The following KLHL1 variants were observed in gnomAD, a reference collection of about 807,000 sequenced individuals.
The protein encoded by KLHL1 is kelch like family member 1.
In KLHL1, 47 loss-of-function variants were observed where a neutral mutation model predicts 77.7. The observed-to-expected ratio is 0.60, with a 90% CI of 0.48 to 0.77. The LOEUF is 0.77. Ranked by LOEUF, KLHL1 falls within the 30% of genes least tolerant of loss-of-function variation. The pLI is 0.00. For synonymous variants in KLHL1, 360 were observed against 325.2 expected (o/e 1.11, Z -1.15); for missense variants, 925 against 910.8 (o/e 1.02, Z -0.20).
At chr13:70,070,253 G>T (rs988688263) in intron 1 of KLHL1, among the ~76,000 whole-genome samples, 3 of 151,676 alleles carry the variant, frequency 2.0e-5, no homozygotes, top group African/African-American at 7.3e-5. Context: ...GCATATAAGA[G>T]AAAAGCAAAT....
chr13:69,880,813 T>C (rs1346796918), intron 5 of KLHL1, among the ~76,000 whole-genome samples: 1 of 152,144 alleles, frequency 6.6e-6, no homozygotes, highest in Non-Finnish European at 1.5e-5. Flanking sequence ...GTGCACAACA[T>C]AATTCCAAAC....
intron 1 of KLHL1, among the ~76,000 whole-genome samples, chr13:70,036,744 A>G (rs1485176897): frequency 6.6e-6 from 1 of 150,544 alleles, no homozygotes; most frequent in African/African-American, 2.4e-5. Context: ...TTCTCTCATT[A>G]GACTTTGAAA....
intron 1 of KLHL1, among the ~76,000 whole-genome samples, chr13:70,082,195 T>C (rs1291818762): frequency 6.6e-6 from 1 of 152,018 alleles, no homozygotes; most frequent in Non-Finnish European, 1.5e-5. Context: ...TGTGAGCCAA[T>C]TGAACATCTT....
chr13:69,821,091 TA>T (rs201297570), intron 6 of KLHL1, among the ~76,000 whole-genome samples: 1,684 of 152,220 alleles, frequency 0.011, 28 homozygotes, highest in African/African-American at 0.038. Context: ...ATTTGAATTT[TA>T]AAAAAATAAA....
intron 2 of KLHL1, among the ~76,000 whole-genome samples, chr13:69,968,681 C>T (rs1461348833): frequency 6.6e-6 from 1 of 151,932 alleles, no homozygotes; most frequent in South Asian, 2.1e-4. Context: ...GGACAGACTG[C>T]AGAATGGAGC....
intron 6 of KLHL1, among the ~76,000 whole-genome samples, chr13:69,833,766 TACATACATACATAC>T (rs1878864235): frequency 2.3e-5 from 3 of 129,454 alleles, no homozygotes; most frequent in African/African-American, 8.2e-5. Flanking sequence ...TATATATATA[TACATACATACATAC>T]ATATATACTT....
At chr13:69,732,077 T>G (rs9542064) in intron 8 of KLHL1, among the ~76,000 whole-genome samples, 8,005 of 152,028 alleles carry the variant, frequency 0.053, 367 homozygotes, top group African/African-American at 0.12. Flanking sequence ...GGGAGTCAAA[T>G]AAAGATATCG....
chr13:69,787,822 C>T (rs1440221810), intron 7 of KLHL1, among the ~76,000 whole-genome samples: 8 of 152,214 alleles, frequency 5.3e-5, no homozygotes, highest in African/African-American at 1.9e-4. Flanking sequence ...AAAAAACAAA[C>T]AACCCCATCA....
In KLHL1 at chr13:69,975,627, C is replaced by CAG; in HGVS notation, c.671_672dup (p.Ala225LeufsTer7). 6.2e-7 allele frequency: 1 copy of CAG among 1,612,896 alleles called. No individual in the cohort carries two copies. The highest frequency in any genetic ancestry group is 8.5e-7 in the Non-Finnish European group (1 of 1,179,398). The stretch of plus-strand genomic sequence containing the variant: ...AGAGGCAGACTACTGTACCTATGTG[C>CAG]AGGTATCTTTCGGTTCCCAACAATC... On this transcript the variant is annotated frameshift_variant, in exon 2 of 11. Coordinates refer to ENST00000377844, the MANE Select transcript of KLHL1 (RefSeq NM_020866.3). LOFTEE classifies it high-confidence loss of function.
intron 7 of KLHL1, among the ~76,000 whole-genome samples, chr13:69,792,190 T>C (rs1876902998): frequency 6.6e-6 from 1 of 151,784 alleles, no homozygotes; most frequent in Non-Finnish European, 1.5e-5. Context: ...CTAACCAGAG[T>C]ATCAAAACGT....
At chr13:70,099,722 C>T (rs1448130962) in intron 1 of KLHL1, among the ~76,000 whole-genome samples, 2 of 151,802 alleles carry the variant, frequency 1.3e-5, no homozygotes, top group Admixed American at 1.3e-4. Context: ...TTCATTTAAT[C>T]GTAGTTTAAT....
At chr13:69,789,877 T>TTAAG (rs367761053) in intron 7 of KLHL1, among the ~76,000 whole-genome samples, 101 of 152,248 alleles carry the variant, frequency 6.6e-4, no homozygotes, top group African/African-American at 2.2e-3. Context: ...TGAAGCAACA[T>TTAAG]TAAGTAAGTT....
chr13:70,063,399 T>C, intron 1 of KLHL1, among the ~76,000 whole-genome samples: 1 of 152,148 alleles, frequency 6.6e-6, no homozygotes, highest in East Asian at 1.9e-4. Context: ...TTTTAACATT[T>C]AGTAAAACTT....
Position 70,107,806 on chromosome 13 carries a change from C to A in KLHL1, c.-107G>T. 2 of 795,832 alleles carry A rather than the reference C, an allele frequency of 2.5e-6. No homozygotes were observed. The highest frequency in any genetic ancestry group is 3.9e-6 in the Non-Finnish European group (2 of 519,430). The allele number at this position is 795,832 out of a possible 1,614,324, so 49.3% of individuals were successfully genotyped here. On this transcript the variant is annotated 5_prime_UTR_variant, in exon 1 of 11. Coordinates refer to ENST00000377844, the MANE Select transcript of KLHL1 (RefSeq NM_020866.3). ...GGGGCGGAGGAAGAGGCGGGATGCG[C>A]CCTCTGCACCCCTAGAGCCAGAAGA...
intron 8 of KLHL1, among the ~76,000 whole-genome samples, chr13:69,727,981 T>G (rs1305934803): frequency 1.3e-5 from 2 of 152,238 alleles, no homozygotes; most frequent in African/African-American, 4.8e-5. Flanking sequence ...TTTTTCTTTC[T>G]TATTGGAATG....
At chr13:69,781,285 C>CTTTTTTTTTTTTTT (rs869083780) in intron 7 of KLHL1, among the ~76,000 whole-genome samples, 98 of 119,680 alleles carry the variant, frequency 8.2e-4, no homozygotes, top group African/African-American at 1.7e-3. Context: ...TTTTTTCTTT[C>CTTTTTTTTTTTTTT]TTTTTTTTTT....
intron 5 of KLHL1, among the ~76,000 whole-genome samples, chr13:69,863,285 A>C (rs1438578604): frequency 1.4e-5 from 2 of 143,156 alleles, no homozygotes; most frequent in African/African-American, 5.3e-5. Flanking sequence ...TAACTAGAGA[A>C]ACTAAAATAC....
chr13:70,020,114 C>T (rs1441694877), intron 1 of KLHL1, among the ~76,000 whole-genome samples: 1 of 152,064 alleles, frequency 6.6e-6, no homozygotes, highest in Non-Finnish European at 1.5e-5. Flanking sequence ...AATTCCTGTT[C>T]TTTATAAATT....
chr13:69,844,362 T>C (rs1566316605), intron 5 of KLHL1, among the ~76,000 whole-genome samples: 1 of 151,686 alleles, frequency 6.6e-6, no homozygotes, highest in Non-Finnish European at 1.5e-5. Flanking sequence ...TAAAATATTG[T>C]GTAAAATGTA....
Sources: gnomAD v4.1 joint callset for allele counts (sites outside exome capture counted in the v4.1 genomes callset) on GRCh38, gnomAD v4.1.1 for gene constraint, MANE v1.5 for transcripts, NCBI Gene and HGNC (gene_info 2026-07-23, HGNC 2026-07-21) for gene names.